The following UBE2E2 variants were observed in gnomAD, a reference collection of about 807,000 sequenced individuals.
UBE2E2 encodes ubiquitin conjugating enzyme E2 E2, also known as ubiquitin-conjugating enzyme E2 E2.
UBE2E2 carries 6 observed loss-of-function variants against 24.7 expected under a neutral mutation model. That is an observed-to-expected ratio of 0.24 (90% CI 0.13 to 0.48). UBE2E2 has a LOEUF of 0.48. Among genes scored for constraint, UBE2E2 ranks in the 20% least tolerant of loss-of-function variants. The pLI, the probability that UBE2E2 is intolerant of heterozygous loss-of-function variation, is 0.99. For synonymous variants in UBE2E2, 104 were observed against 83.6 expected (o/e 1.24, Z -1.33); for missense variants, 169 against 245.0 (o/e 0.69, Z 2.07).
At chr3:23,253,300 A>G (rs1697629016) in intron 3 of UBE2E2, among the ~76,000 whole-genome samples, 1 of 152,252 alleles carries the variant, frequency 6.6e-6, no homozygotes, top group Admixed American at 6.5e-5. Flanking sequence ...ATGTATTCAC[A>G]GTGAGACAGG....
At chr3:23,518,020 C>A (rs1475925646) in intron 4 of UBE2E2, among the ~76,000 whole-genome samples, 2 of 152,042 alleles carry the variant, frequency 1.3e-5, no homozygotes, top group Non-Finnish European at 2.9e-5. Context: ...CCCCCTACTC[C>A]CCACTCTTCC....
intron 3 of UBE2E2, among the ~76,000 whole-genome samples, chr3:23,484,396 A>C (rs748649522): frequency 1.5e-4 from 23 of 152,194 alleles, no homozygotes; most frequent in Non-Finnish European, 3.1e-4. Flanking sequence ...GAAACATGGT[A>C]CTACTGTGGT....
At chr3:23,451,815 A>G (rs1435741069) in intron 3 of UBE2E2, among the ~76,000 whole-genome samples, 1 of 152,166 alleles carries the variant, frequency 6.6e-6, no homozygotes, top group Non-Finnish European at 1.5e-5. Context: ...TAAAAAATAT[A>G]TTTATGCTTC....
At chr3:23,421,317 A>G (rs1697791068) in intron 3 of UBE2E2, among the ~76,000 whole-genome samples, 1 of 152,236 alleles carries the variant, frequency 6.6e-6, no homozygotes, top group Non-Finnish European at 1.5e-5. Flanking sequence ...TTCTTGCAGC[A>G]CTATTCACAG....
intron 3 of UBE2E2, among the ~76,000 whole-genome samples, chr3:23,248,221 C>T (rs575633209): frequency 2.0e-5 from 3 of 152,332 alleles, no homozygotes; most frequent in South Asian, 4.1e-4. Context: ...GTTGTCTTCA[C>T]GACAGACATC....
At chr3:23,553,248 A>G (rs1695692110) in intron 5 of UBE2E2, among the ~76,000 whole-genome samples, 1 of 152,144 alleles carries the variant, frequency 6.6e-6, no homozygotes, top group Non-Finnish European at 1.5e-5. Context: ...CTTTGGTCAC[A>G]CTTTAATAAA....
intron 4 of UBE2E2, among the ~76,000 whole-genome samples, chr3:23,510,086 A>G (rs1694557222): frequency 6.6e-6 from 1 of 152,154 alleles, no homozygotes. Context: ...TCCGTAAGGT[A>G]GCAGCCTCTT....
chr3:23,353,926 C>T (rs1244031171), intron 3 of UBE2E2, among the ~76,000 whole-genome samples: 1 of 152,148 alleles, frequency 6.6e-6, no homozygotes, highest in Non-Finnish European at 1.5e-5. Context: ...CCTGCATCGC[C>T]AAGTCAGTCC....
At chr3:23,229,799 G>A (rs897071480) in intron 3 of UBE2E2, among the ~76,000 whole-genome samples, 2 of 152,154 alleles carry the variant, frequency 1.3e-5, no homozygotes, top group Non-Finnish European at 2.9e-5. Context: ...TGTGGACATC[G>A]AGTATTTGAA....
chr3:23,380,835 A>C (rs1696650919), intron 3 of UBE2E2, among the ~76,000 whole-genome samples: 1 of 152,100 alleles, frequency 6.6e-6, no homozygotes, highest in Admixed American at 6.5e-5. Context: ...CTGCCATGAG[A>C]TTTAAGCACT....
chr3:23,512,797 T>C (rs1694635294), intron 4 of UBE2E2, among the ~76,000 whole-genome samples: 1 of 151,958 alleles, frequency 6.6e-6, no homozygotes, highest in South Asian at 2.1e-4. Context: ...ATACAAAAAT[T>C]AGCCAGGCGT....
intron 3 of UBE2E2, among the ~76,000 whole-genome samples, chr3:23,409,199 A>G (rs1328720768): frequency 1.3e-5 from 2 of 152,172 alleles, no homozygotes; most frequent in African/African-American, 4.8e-5. Context: ...CAACTGTGAA[A>G]AGATCAGTTT....
chr3:23,433,248 T>C lies in UBE2E2; in HGVS notation c.228-66360T>C, dbSNP rs538964776. Among the ~76,000 whole-genome samples the C allele has an allele frequency of 4.6e-5, 7 of 152,046 alleles. No individual in the cohort carries two copies. The East Asian group carries it at 1.2e-3, about 25-fold the overall frequency. Reference sequence around the variant, plus strand: ...CCAAGTGAATTTTGCTATATCATTATTGTGCTCCTCTATAAAGAATTAGAA... The same window carrying C: ...CCAAGTGAATTTTGCTATATCATTACTGTGCTCCTCTATAAAGAATTAGAA... On this transcript the variant is annotated intron_variant, in intron 3 of 5. Transcript: ENST00000396703.
intron 5 of UBE2E2, among the ~76,000 whole-genome samples, chr3:23,565,866 A>G (rs1410312626): frequency 2.0e-5 from 3 of 152,040 alleles, no homozygotes; most frequent in Admixed American, 6.6e-5. Flanking sequence ...TTTGTGCTTT[A>G]AGAACCTCCG....
intron 3 of UBE2E2, among the ~76,000 whole-genome samples, chr3:23,259,111 T>C (rs1165530366): frequency 2.0e-5 from 3 of 152,148 alleles, no homozygotes; most frequent in Admixed American, 6.5e-5. Flanking sequence ...CAAGTCACTT[T>C]AGGGTATGGA....
At chr3:23,265,505 G>A (rs977386268) in intron 3 of UBE2E2, among the ~76,000 whole-genome samples, 1 of 151,544 alleles carries the variant, frequency 6.6e-6, no homozygotes, top group African/African-American at 2.4e-5. Context: ...GGTAAAACAT[G>A]GAATAAGCTA....
chr3:23,503,367 T>A (rs560773482), intron 4 of UBE2E2, among the ~76,000 whole-genome samples: 1 of 151,824 alleles, frequency 6.6e-6, no homozygotes, highest in African/African-American at 2.4e-5. Flanking sequence ...TTTTTTGTAT[T>A]TTTAGTGGAG....
intron 5 of UBE2E2, among the ~76,000 whole-genome samples, chr3:23,546,635 G>A (rs988716935): frequency 1.3e-5 from 2 of 151,376 alleles, no homozygotes; most frequent in Non-Finnish European, 2.9e-5. Flanking sequence ...CACCACGCCT[G>A]GCTAATTTTG....
chr3:23,479,017 C>G (rs1575656660), intron 3 of UBE2E2, among the ~76,000 whole-genome samples: 3 of 152,192 alleles, frequency 2.0e-5, no homozygotes, highest in African/African-American at 7.2e-5. Flanking sequence ...GCGATCATAC[C>G]ACAGGATCCT....
Sources: allele counts gnomAD v4.1 joint callset (sites outside exome capture counted in the v4.1 genomes callset), GRCh38; gene constraint gnomAD v4.1.1; transcripts MANE v1.5; gene names NCBI Gene and HGNC (gene_info 2026-07-23, HGNC 2026-07-21).